Variants in GATA4 observed in about 807,000 individuals in gnomAD.
GATA4 encodes the protein transcription factor GATA-4.
GATA4 carries 7 observed loss-of-function variants against 37.9 expected under a neutral mutation model. That is an observed-to-expected ratio of 0.18 (90% CI 0.11 to 0.35). GATA4 has a LOEUF of 0.35. GATA4 is among the 10% of genes least tolerant of loss of function. GATA4 has a pLI of 1.00. For missense variants in GATA4, 647 were observed against 653.0 expected, an observed-to-expected ratio of 0.99 and a Z score of 0.10; for synonymous variants, 372 against 292.6, an observed-to-expected ratio of 1.27 and a Z score of -2.77.
chr8:11,720,928 T>TCAGCTCCCTTCACACCC lies in GATA4; in HGVS notation c.616+12008_616+12024dup, dbSNP rs564275192. The stretch of plus-strand genomic sequence containing the variant: ...GCAGTGGTGGAGATTTCATAGAAGT[T>TCAGCTCCCTTCACACCC]CAGCTCCCTTCACACCCCAGCTCCA... On this transcript the variant is annotated intron_variant, in intron 2 of 6. Transcript: ENST00000532059. Among the ~76,000 whole-genome samples, 101 of 152,194 alleles carry TCAGCTCCCTTCACACCC rather than the reference T, an allele frequency of 6.6e-4. No individual in the cohort carries two copies. The Middle Eastern group carries it at 0.01, about 15-fold the overall frequency.
chr8:11,757,765 C>A, intron 6 of GATA4, among the ~76,000 whole-genome samples: 1 of 152,244 alleles, frequency 6.6e-6, no homozygotes, highest in East Asian at 1.9e-4. Context: ...CTGCCTCCTC[C>A]CCTCTGCAGT....
chr8:11,745,488 A>G (rs1165350598), intron 2 of GATA4, among the ~76,000 whole-genome samples: 2 of 149,872 alleles, frequency 1.3e-5, no homozygotes, highest in Non-Finnish European at 3.0e-5. Flanking sequence ...TGGGAGGCTG[A>G]GGTGGGAGGA....
At position 11,757,096 on chromosome 8, in the gene GATA4, GC is replaced by G. The variant is rs1563233461; in HGVS notation, c.1149+14del. On this transcript the variant is annotated intron_variant, in intron 6 of 6. Coordinates refer to ENST00000532059, the MANE Select transcript of GATA4 (RefSeq NM_001308093.3). ...CTCCGTGTCCCAGGTACGCGCCATG[GC>G]TGGGGCGCCAGGGCTGTTTGTGGGG... The G allele has an allele frequency of 6.2e-7, 1 of 1,613,142 alleles. No homozygotes were observed. The highest frequency in any genetic ancestry group is 8.5e-7 in the Non-Finnish European group (1 of 1,179,254).
intron 1 of GATA4, among the ~76,000 whole-genome samples, chr8:11,678,067 T>C (rs1337114782): frequency 6.7e-6 from 1 of 149,934 alleles, no homozygotes; most frequent in Non-Finnish European, 1.5e-5. Context: ...TAAATAGGAG[T>C]GACAGCTTTG....
At chr8:11,745,691 C>T (rs1315641441) in intron 2 of GATA4, among the ~76,000 whole-genome samples, 1 of 152,070 alleles carries the variant, frequency 6.6e-6, no homozygotes, top group Non-Finnish European at 1.5e-5. Flanking sequence ...ATCTCCCCTC[C>T]GAACAAGAGG....
At chr8:11,693,548 C>T (rs1280459386) in intron 1 of GATA4, among the ~76,000 whole-genome samples, 1 of 115,928 alleles carries the variant, frequency 8.6e-6, no homozygotes, top group Non-Finnish European at 1.8e-5. Flanking sequence ...CACACACACA[C>T]ACACACACAC....
chr8:11,709,121 G>A lies in GATA4; in HGVS notation c.616+193G>A, dbSNP rs1800046505. On this transcript the variant is annotated intron_variant, in intron 2 of 6. Coordinates refer to ENST00000532059, the MANE Select transcript of GATA4 (RefSeq NM_001308093.3). This position sits in a 1 kb window ranked among gnomAD's most constrained non-coding sequence, Gnocchi z 4.3. ...TCACAGCCCCAGAAGACCGGCTTCT[G>A]TGGAAGGGGCCGGGCCTGCCCGCCG... Among the ~76,000 whole-genome samples the A allele has an allele frequency of 6.6e-6, 1 of 152,174 alleles. No homozygotes were observed.
chr8:11,686,229 T>TA (rs1554483330), intron 1 of GATA4, among the ~76,000 whole-genome samples: 1 of 149,074 alleles, frequency 6.7e-6, no homozygotes, highest in African/African-American at 2.4e-5. Context: ...TTTTTTTTTT[T>TA]AATCTTAATG....
chr8:11,736,381 A>T (rs1159042923), intron 2 of GATA4, among the ~76,000 whole-genome samples: 2 of 152,246 alleles, frequency 1.3e-5, no homozygotes, highest in Admixed American at 1.3e-4. Flanking sequence ...AGACCAGACC[A>T]AGAGAGGTGA....
intron 1 of GATA4, among the ~76,000 whole-genome samples, chr8:11,682,558 A>G (rs1223676718): frequency 2.6e-5 from 4 of 152,236 alleles, no homozygotes; most frequent in Non-Finnish European, 5.9e-5. Context: ...TTTTGCTTGT[A>G]AGAAGTTTTT....
chr8:11,693,808 G>C (rs1799419067), intron 1 of GATA4, among the ~76,000 whole-genome samples: 1 of 152,130 alleles, frequency 6.6e-6, no homozygotes, highest in Admixed American at 6.5e-5. Flanking sequence ...GGCATCGAAT[G>C]TGTGAAAAGG....
chr8:11,693,544 CACACACACACACACACACAGAGAGAG>C (rs1799397302), intron 1 of GATA4, among the ~76,000 whole-genome samples: 1 of 113,708 alleles, frequency 8.8e-6, no homozygotes, highest in African/African-American at 3.4e-5. Context: ...CACACACACA[CACACACACACACACACACAGAGAGAG>C]AGAGAGAGAG....
chr8:11,720,049 C>G (rs1033281353), intron 2 of GATA4, among the ~76,000 whole-genome samples: 1 of 151,840 alleles, frequency 6.6e-6, no homozygotes, highest in African/African-American at 2.4e-5. Context: ...TCCCAGCAGC[C>G]GCAGGGAGGT....
At chr8:11,703,396 A>T (rs1414174414), upstream of GATA4, among the ~76,000 whole-genome samples, 1 of 151,730 alleles carries the variant, frequency 6.6e-6, no homozygotes, top group Non-Finnish European at 1.5e-5. Flanking sequence ...GGCCTGACAC[A>T]TTCCCCTCCC....
At chr8:11,752,978 A>G (rs1802373606) in intron 4 of GATA4, among the ~76,000 whole-genome samples, 1 of 152,264 alleles carries the variant, frequency 6.6e-6, no homozygotes, top group Admixed American at 6.5e-5. Flanking sequence ...GGGAAATATT[A>G]TATAGGTATT....
At chr8:11,693,522 AACACACACACAC>A (rs140439542) in intron 1 of GATA4, among the ~76,000 whole-genome samples, 128 of 110,022 alleles carry the variant, frequency 1.2e-3, no homozygotes, top group Admixed American at 5.1e-3. Context: ...ATTCAGCACA[AACACACACACAC>A]ACACACACAC....
rs1461028472 is a variant in GATA4 at position 11,692,637 on chromosome 8, C to A, written c.-752C>A. The A allele has an allele frequency of 3.0e-6, 3 of 985,040 alleles. No homozygotes were observed. The Admixed American group carries it at 1.8e-4, about 61-fold the overall frequency. 61.0% of individuals were successfully genotyped at this position (985,040 alleles called of 1,614,324 possible). A position where few individuals can be genotyped will look rare whatever the true frequency, so the allele number is the denominator to read the frequency against. On this transcript the variant is annotated 5_prime_UTR_variant, in exon 1 of 3. Coordinates refer to the GATA4 transcript ENST00000526974. Reference sequence around the variant, plus strand: ...GGCTTCTGGGGACCCGCGGCCTCTGCGCCTCAGCCGACCTCCACCGCGGGT... The same window carrying A: ...GGCTTCTGGGGACCCGCGGCCTCTGAGCCTCAGCCGACCTCCACCGCGGGT...
intron 2 of GATA4, among the ~76,000 whole-genome samples, chr8:11,726,742 C>T (rs1273709953): frequency 6.6e-6 from 1 of 152,118 alleles, no homozygotes. Flanking sequence ...GCGTGTGCCC[C>T]CGTGTTTGCC....
intron 2 of GATA4, among the ~76,000 whole-genome samples, chr8:11,741,374 G>T (rs907379235): frequency 1.3e-5 from 2 of 152,088 alleles, no homozygotes; most frequent in African/African-American, 4.8e-5. Flanking sequence ...AGCTACTCAG[G>T]AGGTTCAGGC....
Sources: allele counts gnomAD v4.1 joint callset (sites outside exome capture counted in the v4.1 genomes callset), GRCh38; gene constraint gnomAD v4.1.1; non-coding constraint Gnocchi (gnomAD v3.1); transcripts MANE v1.5; gene names NCBI Gene and HGNC (gene_info 2026-07-23, HGNC 2026-07-21).